XYLB: variants seen among roughly 807,000 people sequenced by gnomAD.
XYLB encodes the protein xylulose kinase.
In XYLB, 62 loss-of-function variants were observed where a neutral mutation model predicts 78.7. That is an observed-to-expected ratio of 0.79 (90% CI 0.64 to 0.97). XYLB has a LOEUF of 0.97. Ranked by LOEUF, XYLB falls within the 50% of genes least tolerant of loss-of-function variation. The pLI is 0.00. For synonymous variants in XYLB, 245 were observed against 247.4 expected (o/e 0.99, Z 0.09); for missense variants, 687 against 676.8 (o/e 1.02, Z -0.17).
rs1219784991 is a variant in XYLB at position 38,413,577 on chromosome 3, C to CTCTCTTACT, written c.*566_*574dup. On this transcript the variant is annotated 3_prime_UTR_variant, in exon 19 of 19. Transcript: ENST00000207870. ...AGCTGTCTGAGGTGCCTCGCAGGGC[C>CTCTCTTACT]TCTCTTACTTGCCCCATGCTCACCC... 6.6e-6 allele frequency: 1 copy of CTCTCTTACT among 152,554 alleles called. No individual in the cohort carries two copies. Among genetic ancestry groups the CTCTCTTACT allele is most frequent in the Admixed American group, 6.5e-5 (1 of 15,272 alleles). The allele number at this position is 152,554 out of a possible 1,614,324, so 9.5% of individuals were successfully genotyped here.
At chr3:38,394,820 C>T (rs901536501) in intron 15 of XYLB, among the ~76,000 whole-genome samples, 1 of 152,276 alleles carries the variant, frequency 6.6e-6, no homozygotes, top group Middle Eastern at 3.4e-3. Flanking sequence ...GAGGATCTGC[C>T]TCCAGGCTGG....
At chr3:38,379,712 C>T (rs1707054997) in intron 15 of XYLB, among the ~76,000 whole-genome samples, 1 of 152,170 alleles carries the variant, frequency 6.6e-6, no homozygotes, top group South Asian at 2.1e-4. Context: ...ATGAATGGAT[C>T]TTGGCCTTCT....
chr3:38,367,664 G>A (rs972643885), intron 7 of XYLB, among the ~76,000 whole-genome samples: 2 of 152,208 alleles, frequency 1.3e-5, no homozygotes, highest in African/African-American at 4.8e-5. Context: ...TGATTCTCAT[G>A]TGGAAGTACA....
At chr3:38,441,249 T>A in the XYLB span, among the ~76,000 whole-genome samples, 1 of 152,256 alleles carries the variant, frequency 6.6e-6, no homozygotes, top group Non-Finnish European at 1.5e-5. Flanking sequence ...ATACTTGCTA[T>A]CTATATACAC....
At chr3:38,388,374 T>G (rs180793256) in intron 15 of XYLB, among the ~76,000 whole-genome samples, 68 of 152,180 alleles carry the variant, frequency 4.5e-4, no homozygotes, top group African/African-American at 1.6e-3. Flanking sequence ...TGCCAAGAGA[T>G]TTTAGGTGTT....
At chr3:38,447,096 T>C in the XYLB span, among the ~76,000 whole-genome samples, 2 of 152,018 alleles carry the variant, frequency 1.3e-5, no homozygotes, top group African/African-American at 4.8e-5. Flanking sequence ...AATAATCCCA[T>C]TAAAAAGTAG....
downstream of XYLB, among the ~76,000 whole-genome samples, chr3:38,419,691 A>T (rs1179810768): frequency 3.4e-5 from 5 of 147,428 alleles, no homozygotes; most frequent in African/African-American, 1.2e-4. Context: ...AGCACTTTTC[A>T]TGTTCTTATT....
rs764902618 is a variant in XYLB, at chr3:38,400,908, G to C, written c.1456G>C (p.Asp486His). 6.2e-7 allele frequency: 1 copy of C among 1,614,216 alleles called. No homozygotes were observed. The highest frequency in any genetic ancestry group is 1.7e-5 in the Admixed American group (1 of 60,024). Residue 486 changes from aspartate to histidine, a missense_variant, in exon 18 of 19, where the codon GAT becomes CAT. Coordinates refer to ENST00000207870, the MANE Select transcript of XYLB (RefSeq NM_005108.4). ...CCTTCTAGGTCTTGCAGGTGGAACAGATGTGCCCTTTTCAGAGGTTGTGAA... is the reference window on the plus strand; with the variant it reads ...CCTTCTAGGTCTTGCAGGTGGAACACATGTGCCCTTTTCAGAGGTTGTGAA... ...RAFHGLAGGT[D>H]VPFSEVVKLA...
intron 8 of XYLB, among the ~76,000 whole-genome samples, chr3:38,368,458 T>G (rs1706377831): frequency 6.6e-6 from 1 of 152,224 alleles, no homozygotes; most frequent in Admixed American, 6.5e-5. Context: ...ACCGTGTTTA[T>G]TTTCTCACCT....
chr3:38,426,845 A>G, the XYLB span, among the ~76,000 whole-genome samples: 3 of 152,338 alleles, frequency 2.0e-5, no homozygotes, highest in East Asian at 5.8e-4. Flanking sequence ...GGACATGCTC[A>G]TGATGGCTGT....
chr3:38,397,309 G>A (rs1036803447), intron 17 of XYLB, 150 bp downstream of exon 17: 8 of 718,514 alleles, frequency 1.1e-5, no homozygotes, highest in African/African-American at 1.1e-4. Context: ...GCTCCCAGCA[G>A]GTGAGAACCA....
At chr3:38,358,310 TGTG>T (rs1705777527) in intron 2 of XYLB, among the ~76,000 whole-genome samples, 1 of 12,508 alleles carries the variant, frequency 8.0e-5, no homozygotes, top group African/African-American at 3.2e-4. Flanking sequence ...AGTTTTGTTT[TGTG>T]TGTGTGTGTG....
intron 2 of XYLB, among the ~76,000 whole-genome samples, chr3:38,353,885 T>TAAAAA (rs71085315): frequency 8.2e-6 from 1 of 121,974 alleles, no homozygotes; most frequent in Admixed American, 8.7e-5. Flanking sequence ...AGACTCCATA[T>TAAAAA]AAAAAAAAAA....
At chr3:38,365,512 A>G in intron 5 of XYLB, 96 bp from the exon 6 acceptor site, 1 of 1,532,288 alleles carries the variant, frequency 6.5e-7, no homozygotes, top group Non-Finnish European at 8.8e-7. Flanking sequence ...AAGAAGCGTC[A>G]TGACTGCCGT....
chr3:38,393,119 T>TAC (rs1464715818), intron 15 of XYLB, among the ~76,000 whole-genome samples: 4 of 152,158 alleles, frequency 2.6e-5, no homozygotes, highest in Admixed American at 6.6e-5. Flanking sequence ...TCCCTATATA[T>TAC]ACATGGGTCT....
At chr3:38,373,531 A>C (rs912793582) in intron 10 of XYLB, among the ~76,000 whole-genome samples, 1 of 152,188 alleles carries the variant, frequency 6.6e-6, no homozygotes, top group Non-Finnish European at 1.5e-5. Flanking sequence ...TCTAGAGCTC[A>C]GTTGTCCCAG....
At chr3:38,449,828 G>A in the XYLB span, among the ~76,000 whole-genome samples, 1 of 152,188 alleles carries the variant, frequency 6.6e-6, no homozygotes, top group Non-Finnish European at 1.5e-5. Context: ...AAGCCATTAA[G>A]GTTTTGGGAT....
chr3:38,406,858 A>C (rs1387953181), intron 18 of XYLB, among the ~76,000 whole-genome samples: 3 of 152,214 alleles, frequency 2.0e-5, no homozygotes, highest in Non-Finnish European at 4.4e-5. Flanking sequence ...AAACAAGCAA[A>C]GCCTCCAGGA....
chr3:38,384,431 A>T (rs1191053897), intron 15 of XYLB, among the ~76,000 whole-genome samples: 1 of 152,162 alleles, frequency 6.6e-6, no homozygotes, highest in Non-Finnish European at 1.5e-5. Context: ...TTATTTCCCC[A>T]GGAGGATGGC....
Sources: allele counts gnomAD v4.1 joint callset (sites outside exome capture counted in the v4.1 genomes callset), GRCh38; gene constraint gnomAD v4.1.1; transcripts MANE v1.5; gene names NCBI Gene and HGNC (gene_info 2026-07-23, HGNC 2026-07-21).